Variants in NBEAL1 observed in about 807,000 individuals in gnomAD.
The protein encoded by NBEAL1 is neurobeachin-like protein 1.
NBEAL1 carries 273 observed loss-of-function variants against 351.3 expected under a neutral mutation model. That is an observed-to-expected ratio of 0.78 (90% CI 0.70 to 0.86). The LOEUF is 0.86. Among genes scored for constraint, NBEAL1 ranks in the 40% least tolerant of loss-of-function variants. The pLI is 0.00. For synonymous variants in NBEAL1, 1,050 were observed against 1,086.4 expected, an observed-to-expected ratio of 0.97 and a Z score of 0.66; for missense variants, 2,961 against 3,201.3, an observed-to-expected ratio of 0.92 and a Z score of 1.81.
chr2:203,162,978 G>A (rs146099848), intron 36 of NBEAL1, among the ~76,000 whole-genome samples: 13,866 of 152,056 alleles, frequency 0.091, 748 homozygotes, highest in Non-Finnish European at 0.12. Flanking sequence ...AATGAAACCC[G>A]AAACCCAGTC....
chr2:203,202,988 A>G (rs2065443927), intron 51 of NBEAL1, among the ~76,000 whole-genome samples: 1 of 152,158 alleles, frequency 6.6e-6, no homozygotes, highest in South Asian at 2.1e-4. Flanking sequence ...ATTGCTTTCC[A>G]AAGATTCTTC....
At chr2:203,150,489 T>C (rs2063621746) in intron 34 of NBEAL1, among the ~76,000 whole-genome samples, 1 of 151,986 alleles carries the variant, frequency 6.6e-6, no homozygotes, top group East Asian at 1.9e-4. Context: ...GATTTTCAGG[T>C]ATGTAGATTG....
chr2:203,020,912 T>G (rs552355977), intron 2 of NBEAL1, among the ~76,000 whole-genome samples: 3 of 152,272 alleles, frequency 2.0e-5, no homozygotes, highest in Admixed American at 2.0e-4. Context: ...AGTACTTAAG[T>G]ATACAGTTTT....
At chr2:203,129,819 A>G (rs2063032307) in intron 24 of NBEAL1, among the ~76,000 whole-genome samples, 1 of 152,228 alleles carries the variant, frequency 6.6e-6, no homozygotes. Flanking sequence ...ATAAAAGAGG[A>G]TAGATATGGT....
Position 203,136,800 on chromosome 2 carries a change from A to T in NBEAL1, c.4565+26A>T. ...GTAAGCATTTAGTTAGTGATTTTCC[A>T]TCCTCCTTTTGGTGACAGCAGGAGT... is the stretch of plus-strand genomic sequence containing the variant. On this transcript the variant is annotated intron_variant, in intron 29 of 55. Coordinates refer to ENST00000683969, the MANE Select transcript of NBEAL1 (RefSeq NM_001378026.1). 2.5e-6 allele frequency: 4 copies of T among 1,602,054 alleles called. No individual in the cohort carries two copies. In the South Asian group the frequency reaches 3.3e-5, roughly 13 times the overall value.
At chr2:203,144,572 C>A in intron 31 of NBEAL1, 28 bp from the exon 32 acceptor site, 1 of 1,576,314 alleles carries the variant, frequency 6.3e-7, no homozygotes, top group Non-Finnish European at 8.6e-7. Flanking sequence ...TTAGTCTGCT[C>A]TTTCTCATCT....
intron 2 of NBEAL1, among the ~76,000 whole-genome samples, chr2:203,031,729 A>T (rs1465308428): frequency 3.3e-5 from 5 of 152,368 alleles, no homozygotes; most frequent in African/African-American, 1.2e-4. Context: ...AAATTGAACG[A>T]TAAAAGTACA....
chr2:203,159,956 G>A (rs186090274), intron 36 of NBEAL1, among the ~76,000 whole-genome samples: 7 of 150,870 alleles, frequency 4.6e-5, no homozygotes, highest in East Asian at 1.9e-4. Flanking sequence ...GTTTGAAGTC[G>A]TTTCTATCTT....
chr2:203,176,642 G>C (rs1430253006), intron 42 of NBEAL1, among the ~76,000 whole-genome samples: 1 of 151,362 alleles, frequency 6.6e-6, no homozygotes, highest in Non-Finnish European at 1.5e-5. Flanking sequence ...TGAGGCATGA[G>C]AGTCGCTTGA....
At chr2:203,065,706 T>G (rs1003582216) in intron 6 of NBEAL1, among the ~76,000 whole-genome samples, 4 of 151,836 alleles carry the variant, frequency 2.6e-5, no homozygotes, top group African/African-American at 4.8e-5. Flanking sequence ...GAGCCGAGAT[T>G]GCGCCACTGC....
intron 26 of NBEAL1, 40 bp downstream of exon 26, chr2:203,132,172 GT>G: frequency 7.7e-7 from 1 of 1,294,926 alleles, no homozygotes; most frequent in Non-Finnish European, 1.0e-6. Context: ...TTTAAGAAAT[GT>G]TTTTTCCTGT....
intron 36 of NBEAL1, among the ~76,000 whole-genome samples, chr2:203,159,713 TG>T (rs2063895213): frequency 1.3e-5 from 2 of 152,212 alleles, no homozygotes; most frequent in South Asian, 4.1e-4. Flanking sequence ...TACAAGTTTT[TG>T]TGCAAACATA....
At chr2:203,077,876 T>A (rs2061804571) in intron 8 of NBEAL1, 39 bp downstream of exon 8, 4 of 1,154,412 alleles carry the variant, frequency 3.5e-6, no homozygotes, top group East Asian at 5.6e-5. Context: ...AAAATTATAA[T>A]TAACAGTGCA....
rs1014395798 is a variant in NBEAL1 at position 203,188,513 on chromosome 2, T to A, written c.6747T>A (p.Asp2249Glu). The change falls in exon 45 of 56, where the codon GAT becomes GAA. Residue 2249 changes from aspartate to glutamate, a missense_variant. Physicochemically the swap from Asp to Glu is conservative, Grantham distance 45. Coordinates refer to ENST00000683969, the MANE Select transcript of NBEAL1 (RefSeq NM_001378026.1). ...YVSAHLHEWI[D>E]LIFGYKQRGP... ...CAGCTCATCTTCATGAATGGATAGA[T>A]CTGATCTTTGGCTATAAACAGAGGG... 1 of 1,607,714 alleles carries A rather than the reference T, an allele frequency of 6.2e-7. No individual in the cohort carries two copies. Among genetic ancestry groups the A allele is most frequent in the Non-Finnish European group, 8.5e-7 (1 of 1,177,428 alleles).
Position 203,208,696 on chromosome 2 carries a change from C to A in NBEAL1, c.7566C>A (p.Asn2522Lys), listed in dbSNP as rs375978228. 29 of 1,612,512 alleles carry A rather than the reference C, an allele frequency of 1.8e-5. No individual in the cohort carries two copies. In the Admixed American group the frequency reaches 4.4e-4, roughly 24 times the overall value. ...KPFQILYGHT[N>K]EVLSVGISTE... is the part of the protein sequence containing the mutation. ...TTCAGATTCTTTATGGACACACCAA[C>A]GAGGTACTGAGTGTCGGCATCAGCA... The change falls in exon 52 of 56, where the codon AAC becomes AAA. Residue 2522 changes from asparagine to lysine, a missense_variant. Coordinates refer to ENST00000683969, the MANE Select transcript of NBEAL1 (RefSeq NM_001378026.1).
chr2:203,049,905 G>A lies in NBEAL1; in HGVS notation c.235G>A (p.Ala79Thr), dbSNP rs1339041271. ...IQLLQCVQKMADGLEEQQQAL... is the reference protein window; with the variant it reads ...IQLLQCVQKMTDGLEEQQQAL... Reference sequence around the variant, plus strand: ...GCTTCTACAGTGTGTTCAGAAAATGGCAGATGGGTTAGAGGAACAACAGCA... The same window carrying A: ...GCTTCTACAGTGTGTTCAGAAAATGACAGATGGGTTAGAGGAACAACAGCA... Residue 79 changes from alanine (A) to threonine (T), a missense_variant, in exon 4 of 56, where the codon GCA (alanine) becomes ACA (threonine). Coordinates refer to ENST00000683969, the MANE Select transcript of NBEAL1 (RefSeq NM_001378026.1). 6 of 1,556,856 alleles carry A rather than the reference G, an allele frequency of 3.9e-6. No homozygotes were observed. The highest frequency in any genetic ancestry group is 1.2e-5 in the South Asian group (1 of 84,604).
chr2:203,115,047 A>G (rs968634001), intron 17 of NBEAL1, among the ~76,000 whole-genome samples: 2 of 151,530 alleles, frequency 1.3e-5, no homozygotes, highest in Admixed American at 1.3e-4. Context: ...CCACTGTGCT[A>G]GGCCTAAATG....
chr2:203,054,873 T>C (rs570917039), intron 4 of NBEAL1, among the ~76,000 whole-genome samples: 182 of 152,284 alleles, frequency 1.2e-3, no homozygotes, highest in Non-Finnish European at 2.1e-3. Context: ...ACTTCTTGAG[T>C]GTTGTCTTTT....
intron 24 of NBEAL1, among the ~76,000 whole-genome samples, chr2:203,128,147 C>T (rs182399672): frequency 7.9e-5 from 12 of 151,248 alleles, no homozygotes; most frequent in African/African-American, 2.9e-4. Context: ...TGCAGTGGCA[C>T]GATCTCGACT....
Sources: gnomAD v4.1 joint callset for allele counts (sites outside exome capture counted in the v4.1 genomes callset) on GRCh38, gnomAD v4.1.1 for gene constraint, MANE v1.5 for transcripts, NCBI Gene and HGNC (gene_info 2026-07-23, HGNC 2026-07-21) for gene names.